Variants in AMY2B observed in about 807,000 individuals in gnomAD.
The protein encoded by AMY2B is alpha-amylase 2B.
AMY2B carries 63 observed loss-of-function variants against 59.3 expected under a neutral mutation model. That is an observed-to-expected ratio of 1.06 (90% CI 0.87 to 1.31). The LOEUF (loss-of-function observed/expected upper bound fraction) is 1.31, where lower values mean the gene tolerates loss of function less well. Among genes scored for constraint, AMY2B ranks in the 50% most tolerant of loss-of-function variants. The pLI is 0.00. For synonymous variants in AMY2B, 180 were observed against 198.1 expected (o/e 0.91, Z 0.77); for missense variants, 635 against 626.7 (o/e 1.01, Z -0.14).
At chr1:103,575,416 G>T (rs1450470961) in intron 6 of AMY2B, 25 bp from the exon 7 acceptor site, 5 of 1,612,898 alleles carry the variant, frequency 3.1e-6, no homozygotes, top group Middle Eastern at 1.6e-4. Flanking sequence ...GATATTCTGT[G>T]ATAATATAAT....
intron 1 of AMY2B, among the ~76,000 whole-genome samples, chr1:103,557,733 C>T (rs540071030): frequency 1.1e-4 from 16 of 151,912 alleles, no homozygotes; most frequent in Middle Eastern, 6.8e-3. Context: ...ATACCGTGAT[C>T]TTTGAATATC....
intron 5 of AMY2B, 117 bp downstream of exon 5, chr1:103,574,510 T>A (rs1312573050): frequency 1.3e-6 from 2 of 1,569,356 alleles, no homozygotes; most frequent in African/African-American, 1.3e-5. Flanking sequence ...AGTCAATTGT[T>A]AATGATAAGT....
At chr1:103,571,373 G>A, upstream of AMY2B, 3 of 1,111,764 alleles carry the variant, frequency 2.7e-6, no homozygotes, top group Non-Finnish European at 2.5e-6. Context: ...AAATAAAAGT[G>A]CTGCCAGAAC....
upstream of AMY2B, among the ~76,000 whole-genome samples, chr1:103,567,710 C>T (rs183915867): frequency 7.2e-5 from 11 of 152,304 alleles, no homozygotes; most frequent in Admixed American, 1.3e-4. Flanking sequence ...CCCCATGTCA[C>T]AGCCTTAACA....
intron 1 of AMY2B, among the ~76,000 whole-genome samples, chr1:103,564,619 C>G (rs2101064916): frequency 6.6e-6 from 1 of 152,168 alleles, no homozygotes; most frequent in South Asian, 2.1e-4. Flanking sequence ...CTCAAGGGTA[C>G]AACTCTCCAG....
chr1:103,576,275 T>C (rs1417070446), intron 7 of AMY2B, among the ~76,000 whole-genome samples: 2 of 152,144 alleles, frequency 1.3e-5, no homozygotes, highest in South Asian at 2.1e-4. Context: ...CACACAGATA[T>C]CTAGCTAGCT....
intron 1 of AMY2B, among the ~76,000 whole-genome samples, chr1:103,557,568 C>T (rs903616434): frequency 6.6e-6 from 1 of 151,578 alleles, no homozygotes; most frequent in Non-Finnish European, 1.5e-5. Flanking sequence ...GCAGGAGAAT[C>T]ATTTGAACCC....
intron 1 of AMY2B, among the ~76,000 whole-genome samples, chr1:103,562,673 T>C (rs74949195): frequency 1.3e-5 from 1 of 74,936 alleles, no homozygotes; most frequent in Non-Finnish European, 3.0e-5. Flanking sequence ...ATAACTTGTC[T>C]TTTTTTTTTT....
chr1:103,578,108 A>G (rs1299466429), intron 9 of AMY2B, among the ~76,000 whole-genome samples: 12 of 152,196 alleles, frequency 7.9e-5, no homozygotes, highest in Non-Finnish European at 1.5e-5. Flanking sequence ...GAATGCACAT[A>G]CATATGCTCA....
intron 1 of AMY2B, among the ~76,000 whole-genome samples, chr1:103,561,417 G>A (rs973600174): frequency 7.2e-5 from 11 of 151,966 alleles, no homozygotes; most frequent in Non-Finnish European, 2.9e-5. Flanking sequence ...ACAGGTGCCA[G>A]ATACCATGCC....
Position 103,575,559 on chromosome 1 carries a change from C to G in AMY2B, c.1101+19C>G. 2 of 1,611,960 alleles carry G rather than the reference C, an allele frequency of 1.2e-6. No homozygotes were observed. The highest frequency in any genetic ancestry group is 1.7e-6 in the Non-Finnish European group (2 of 1,179,200). ...TGGAAACGTAAGTTTTGAAATTGTT[C>G]AAACTATCCTTTTCTCAAGAAACAG... On this transcript the variant is annotated intron_variant, in intron 7 of 9. Coordinates refer to ENST00000684275, the MANE Select transcript of AMY2B (RefSeq NM_001387437.1).
chr1:103,561,724 T>C (rs1414751852), intron 1 of AMY2B: 2 of 151,888 alleles, frequency 1.3e-5, no homozygotes, highest in Non-Finnish European at 2.9e-5. Flanking sequence ...CGAGAGGATA[T>C]TGTAGAAAAA....
At chr1:103,567,597 A>G (rs1259629973), upstream of AMY2B, among the ~76,000 whole-genome samples, 1 of 152,144 alleles carries the variant, frequency 6.6e-6, no homozygotes, top group East Asian at 1.9e-4. Context: ...GACCACTGTA[A>G]AAGTCTTCTA....
At chr1:103,570,190 G>A (rs1219224287), upstream of AMY2B, 3 of 486,418 alleles carry the variant, frequency 6.2e-6, no homozygotes, top group African/African-American at 2.0e-5. Context: ...CTACGTCAAG[G>A]AGAAACTGTG....
chr1:103,558,255 G>A (rs1255737332), intron 1 of AMY2B, among the ~76,000 whole-genome samples: 2 of 152,176 alleles, frequency 1.3e-5, no homozygotes, highest in Admixed American at 6.5e-5. Context: ...GGACTAATAA[G>A]AGTGCCTTTG....
At chr1:103,569,416 G>GTGTGTGTT (rs1652028998), upstream of AMY2B, 1 of 211,476 alleles carries the variant, frequency 4.7e-6, no homozygotes, top group African/African-American at 2.4e-5. Flanking sequence ...GTGTGTGTGT[G>GTGTGTGTT]TGTGTGTGTG....
chr1:103,555,867 C>A (rs947294939), intron 1 of AMY2B, among the ~76,000 whole-genome samples: 3 of 152,048 alleles, frequency 2.0e-5, no homozygotes, highest in African/African-American at 7.2e-5. Context: ...GCTAATCAGA[C>A]TGATTCAGTA....
At chr1:103,568,328 T>A (rs926930326), upstream of AMY2B, 2 of 152,144 alleles carry the variant, frequency 1.3e-5, no homozygotes, top group African/African-American at 2.4e-5. Flanking sequence ...GAAGGAAAAA[T>A]TACACAAATT....
rs763022449 is a variant in AMY2B, at chr1:103,574,389, C to T, written c.874C>T (p.Leu292=). The change falls in exon 5 of 10, where the codon CTA becomes TTA. Residue 292 remains leucine (L), a synonymous_variant. Transcript: ENST00000684275. ...GTGGAATGGAGAGAAGATGTCTTAC[C>T]TAAAGTAAATAAATACAACTTTTCC... is the stretch of plus-strand genomic sequence containing the variant. ...RKWNGEKMSY[L]KNWGEGWGFM... is the part of the protein sequence containing the mutation. The T allele has an allele frequency of 4.8e-5, 78 of 1,611,094 alleles. No homozygotes were observed. The highest frequency in any genetic ancestry group is 6.7e-5 in the Admixed American group (4 of 59,958).
Sources: gnomAD v4.1 joint callset for allele counts (sites outside exome capture counted in the v4.1 genomes callset) on GRCh38, gnomAD v4.1.1 for gene constraint, MANE v1.5 for transcripts, NCBI Gene and HGNC (gene_info 2026-07-23, HGNC 2026-07-21) for gene names.